FBLN2: variants seen among roughly 807,000 people sequenced by gnomAD.
FBLN2 encodes fibulin-2.
A neutral mutation model predicts 123.7 loss-of-function variants in FBLN2; 81 were observed. The ratio of observed to expected loss-of-function variants is 0.65; its 90% confidence interval spans 0.55 to 0.79. The LOEUF (loss-of-function observed/expected upper bound fraction) is 0.79. Among genes scored for constraint, FBLN2 ranks in the 30% least tolerant of loss-of-function variants. The probability of loss-of-function intolerance (pLI) is 0.00; values close to 1 mark genes in which losing one functional copy is unlikely to be tolerated. For missense variants in FBLN2, 1,603 were observed against 1,681.3 expected (o/e 0.95, Z 0.81); for synonymous variants, 699 against 701.4 (o/e 1.00, Z 0.05).
chr3:13,572,492 AC>A lies in FBLN2; in HGVS notation c.1306+834del, dbSNP rs1460349991. On this transcript the variant is annotated intron_variant, in intron 2 of 17. Coordinates refer to ENST00000404922, the MANE Select transcript of FBLN2 (RefSeq NM_001004019.2). ...GAAGGCCCTGGAGCCTGCACTCCTG[AC>A]CCTATATCCTCCAAGCCACCTGCCA... Among the ~76,000 whole-genome samples, 3 of 152,184 alleles carry A rather than the reference AC, an allele frequency of 2.0e-5. No homozygotes were observed. In the East Asian group the frequency reaches 5.8e-4, roughly 29 times the overall value.
In FBLN2 at chr3:13,580,272, ATT is replaced by A. The variant is rs781002885; in HGVS notation, c.1306+8615_1306+8616del. On this transcript the variant is annotated intron_variant, in intron 2 of 17. Transcript: ENST00000404922. ...ATGTAATTTTTTTTTATATGGACGT[ATT>A]TTTATAGCCCTGGTAGACGTTGTTC... Among the ~76,000 whole-genome samples, 11 of 152,088 alleles carry A rather than the reference ATT, an allele frequency of 7.2e-5. No homozygotes were observed. In the East Asian group the frequency reaches 7.7e-4, roughly 11 times the overall value.
chr3:13,611,043 A>G (rs1705376376), intron 4 of FBLN2, among the ~76,000 whole-genome samples: 1 of 151,954 alleles, frequency 6.6e-6, no homozygotes. Context: ...AGTAGCTGGG[A>G]TTACAGGCAC....
intron 2 of FBLN2, among the ~76,000 whole-genome samples, chr3:13,573,718 A>G (rs1704038645): frequency 6.6e-6 from 1 of 152,064 alleles, no homozygotes; most frequent in African/African-American, 2.4e-5. Flanking sequence ...AGCCTGGCCA[A>G]CGTGGTGAAA....
intron 17 of FBLN2, 27 bp downstream of exon 17, chr3:13,636,595 C>G: frequency 6.2e-7 from 1 of 1,609,120 alleles, no homozygotes; most frequent in African/African-American, 1.3e-5. Context: ...CAGTCCCAGT[C>G]CCAGGGAGCC....
At chr3:13,604,553 G>T (rs569079125) in intron 2 of FBLN2, among the ~76,000 whole-genome samples, 6 of 152,162 alleles carry the variant, frequency 3.9e-5, no homozygotes, top group Admixed American at 3.9e-4. Context: ...TAGATGTGTG[G>T]TATTATTTCT....
intron 2 of FBLN2, among the ~76,000 whole-genome samples, chr3:13,595,081 G>T (rs1280578613): frequency 6.6e-6 from 1 of 152,196 alleles, no homozygotes; most frequent in Non-Finnish European, 1.5e-5. Flanking sequence ...CAAAATGGGG[G>T]CTGAGGCTGG....
intron 2 of FBLN2, among the ~76,000 whole-genome samples, chr3:13,590,343 C>T (rs933823349): frequency 2.0e-5 from 3 of 150,180 alleles, no homozygotes; most frequent in Non-Finnish European, 4.4e-5. Flanking sequence ...ATTTATTTAT[C>T]GAGACAGAGT....
intron 1 of FBLN2, among the ~76,000 whole-genome samples, chr3:13,553,403 C>A (rs1703377009): frequency 6.6e-6 from 1 of 152,134 alleles, no homozygotes; most frequent in East Asian, 1.9e-4. Context: ...TGCCTGCAGT[C>A]ACATAGCGAC....
chr3:13,587,155 A>T (rs1035082198), intron 2 of FBLN2, among the ~76,000 whole-genome samples: 1 of 132,670 alleles, frequency 7.5e-6, no homozygotes, highest in African/African-American at 2.7e-5. Context: ...AAAAAAAAAA[A>T]AAAAAATAAA....
At position 13,614,008 on chromosome 3, in the gene FBLN2, G is replaced by T; in HGVS notation, c.1573G>T (p.Gly525Cys). Residue 525 changes from glycine to cysteine, a missense_variant, in exon 5 of 18, where the codon GGC (glycine) becomes TGC (cysteine). Physicochemically the swap from Gly to Cys is radical, Grantham distance 159. Coordinates refer to ENST00000404922, the MANE Select transcript of FBLN2 (RefSeq NM_001004019.2). ...GCAATGCTGTGACTGCTGTGGCCTG[G>T]GCCTCCGCGTGCGGGCCGAGGGCCA... ...YKQCCDCCGLGLRVRAEGQSC... is the reference protein window; with the variant it reads ...YKQCCDCCGLCLRVRAEGQSC... The T allele has an allele frequency of 6.2e-7, 1 of 1,612,906 alleles. No homozygotes were observed.
chr3:13,605,708 A>C (rs1431615359), intron 2 of FBLN2, among the ~76,000 whole-genome samples: 1 of 152,190 alleles, frequency 6.6e-6, no homozygotes, highest in Non-Finnish European at 1.5e-5. Flanking sequence ...CTTCCCTGGC[A>C]CAGACACCAG....
chr3:13,634,152 G>T (rs533026676), intron 16 of FBLN2, among the ~76,000 whole-genome samples: 2 of 152,314 alleles, frequency 1.3e-5, no homozygotes, highest in South Asian at 4.1e-4. Context: ...GCCCTTGGAA[G>T]CCTCTCTTCC....
chr3:13,636,675 C>A, intron 17 of FBLN2, 107 bp downstream of exon 17: 2 of 1,344,366 alleles, frequency 1.5e-6, no homozygotes, highest in South Asian at 1.5e-5. Context: ...TCCCTCTCGT[C>A]CCAGCCCCTG....
intron 17 of FBLN2, 90 bp downstream of exon 17, chr3:13,636,658 G>C: frequency 6.8e-7 from 1 of 1,468,954 alleles, no homozygotes; most frequent in Non-Finnish European, 9.2e-7. Context: ...CGCCTGCCTT[G>C]ATCACCTCCC....
At chr3:13,555,668 A>G (rs1276886521) in intron 1 of FBLN2, among the ~76,000 whole-genome samples, 1 of 151,744 alleles carries the variant, frequency 6.6e-6, no homozygotes, top group East Asian at 2.0e-4. Context: ...GTTAGCCAGG[A>G]TGGTCTCGAT....
At chr3:13,584,635 G>A (rs1704440190) in intron 2 of FBLN2, among the ~76,000 whole-genome samples, 1 of 152,216 alleles carries the variant, frequency 6.6e-6, no homozygotes, top group South Asian at 2.1e-4. Context: ...ACCCCAGGAT[G>A]CCACCCTCCA....
intron 16 of FBLN2, among the ~76,000 whole-genome samples, chr3:13,633,186 C>G (rs1706317701): frequency 6.6e-6 from 1 of 152,280 alleles, no homozygotes; most frequent in Admixed American, 6.5e-5. Flanking sequence ...GAGAGGGCTT[C>G]CCGGGACCTG....
intron 16 of FBLN2, 105 bp downstream of exon 16, chr3:13,631,562 AC>A: frequency 7.4e-7 from 1 of 1,344,138 alleles, no homozygotes; most frequent in Non-Finnish European, 1.0e-6. Flanking sequence ...GAGCCCCCAC[AC>A]CCAGTGAATA....
At chr3:13,562,343 A>G (rs1345435304) in intron 1 of FBLN2, among the ~76,000 whole-genome samples, 1 of 150,918 alleles carries the variant, frequency 6.6e-6, no homozygotes, top group Non-Finnish European at 1.5e-5. Context: ...AAATATACGT[A>G]ACATGAAGTT....
Sources: gnomAD v4.1 joint callset for allele counts (sites outside exome capture counted in the v4.1 genomes callset) on GRCh38, gnomAD v4.1.1 for gene constraint, MANE v1.5 for transcripts, NCBI Gene and HGNC (gene_info 2026-07-23, HGNC 2026-07-21) for gene names.